Variants in PPM1E observed in about 807,000 individuals in gnomAD.
PPM1E encodes the protein protein phosphatase, Mg2+/Mn2+ dependent 1E.
A neutral mutation model predicts 65.9 loss-of-function variants in PPM1E; 20 were observed. The observed-to-expected ratio is 0.30, with a 90% CI of 0.21 to 0.44. PPM1E has a LOEUF of 0.44. PPM1E is among the 20% of genes least tolerant of loss of function. PPM1E has a pLI of 1.00. For synonymous variants in PPM1E, 352 were observed against 374.9 expected (o/e 0.94, Z 0.70); for missense variants, 713 against 953.1 (o/e 0.75, Z 3.32).
At chr17:58,971,891 G>GGAATT (rs1207688620) in intron 4 of PPM1E, among the ~76,000 whole-genome samples, 1 of 152,128 alleles carries the variant, frequency 6.6e-6, no homozygotes, top group African/African-American at 2.4e-5. Flanking sequence ...TATTTAAAGT[G>GGAATT]GAATTAATAA....
chr17:58,761,272 T>C (rs1271230177), intron 1 of PPM1E, among the ~76,000 whole-genome samples: 1 of 152,192 alleles, frequency 6.6e-6, no homozygotes. Context: ...TCATGAATAG[T>C]AAGAATACTC....
At chr17:58,881,281 C>A (rs948088488) in intron 1 of PPM1E, among the ~76,000 whole-genome samples, 1 of 152,204 alleles carries the variant, frequency 6.6e-6, no homozygotes, top group Non-Finnish European at 1.5e-5. Flanking sequence ...GTAATCGCAG[C>A]ACTTTGGAGG....
chr17:58,794,907 G>GCACT (rs2050191611), intron 1 of PPM1E, among the ~76,000 whole-genome samples: 1 of 67,166 alleles, frequency 1.5e-5, no homozygotes, highest in African/African-American at 6.3e-5. Flanking sequence ...TTTTTTTTTT[G>GCACT]AGGCAGAGTC....
rs1331810828 is a variant in PPM1E at position 58,965,855 on chromosome 17, G to A, written c.745G>A (p.Val249Ile). 1.2e-6 allele frequency: 2 copies of A among 1,614,062 alleles called. No homozygotes were observed. The highest frequency in any genetic ancestry group is 1.7e-6 in the Non-Finnish European group (2 of 1,180,042). ...NMRRKMEDKH[V>I]CIPDFNMLFN... ...GCGCAGGAAAATGGAGGACAAACATGTCTGCATTCCTGACTTTAATATGCT... is the reference window on the plus strand; with the variant it reads ...GCGCAGGAAAATGGAGGACAAACATATCTGCATTCCTGACTTTAATATGCT... The change falls in exon 3 of 7, where the codon GTC becomes ATC. Residue 249 changes from valine to isoleucine, a missense_variant. Around this residue, in one of 6 missense-constraint regions of PPM1E, gnomAD observed 25 missense variants for 73.9 expected, o/e 0.34. Transcript: ENST00000308249.
intron 1 of PPM1E, among the ~76,000 whole-genome samples, chr17:58,927,500 A>C (rs1447193290): frequency 1.3e-5 from 2 of 152,144 alleles, no homozygotes; most frequent in African/African-American, 4.8e-5. Flanking sequence ...CCTTTCCAAA[A>C]AAATTGTGGA....
chr17:58,846,233 G>A (rs942885813), intron 1 of PPM1E, among the ~76,000 whole-genome samples: 1 of 151,896 alleles, frequency 6.6e-6, no homozygotes, highest in Non-Finnish European at 1.5e-5. Flanking sequence ...TGAGGAAACC[G>A]TTTTCCACAG....
In PPM1E at chr17:58,755,978, G is replaced by C; in HGVS notation, c.-20G>C. The C allele has an allele frequency of 1.2e-6, 2 of 1,613,878 alleles. No homozygotes were observed. The highest frequency in any genetic ancestry group is 1.1e-5 in the South Asian group (1 of 91,048). On this transcript the variant is annotated 5_prime_UTR_variant, in exon 1 of 7. Coordinates refer to ENST00000308249, the MANE Select transcript of PPM1E (RefSeq NM_014906.5). ...CTTCCCCCAACCCCTTTCCCGGTCT[G>C]CCCTGGGGCATGAGCAGCGATGGCC...
In PPM1E at chr17:58,755,858, C is replaced by A; in HGVS notation, c.-140C>A. The A allele has an allele frequency of 4.9e-6, 7 of 1,433,392 alleles. No individual in the cohort carries two copies. The highest frequency in any genetic ancestry group is 1.5e-5 in the African/African-American group (1 of 68,126). 88.8% of individuals were successfully genotyped at this position (1,433,392 alleles called of 1,614,324 possible). ...GCGCGCACGCCTGCGGGAGCCCTCTCCAGGCAACCTAGTGCTGATCGCTCG... is the reference window on the plus strand; with the variant it reads ...GCGCGCACGCCTGCGGGAGCCCTCTACAGGCAACCTAGTGCTGATCGCTCG... On this transcript the variant is annotated 5_prime_UTR_variant, in exon 1 of 7. Transcript: ENST00000308249.
intron 1 of PPM1E, among the ~76,000 whole-genome samples, chr17:58,868,953 G>A (rs2051038694): frequency 6.6e-6 from 1 of 152,186 alleles, no homozygotes. Context: ...GATCACCTGA[G>A]GTCAAGAGTT....
rs184480429 is a variant in PPM1E, at chr17:58,946,194, G to T, written c.465-9455G>T. Among the ~76,000 whole-genome samples, 10 of 152,072 alleles carry T rather than the reference G, an allele frequency of 6.6e-5. No homozygotes were observed. In the East Asian group the frequency reaches 1.9e-3, roughly 29 times the overall value. On this transcript the variant is annotated intron_variant, in intron 1 of 6. Coordinates refer to ENST00000308249, the MANE Select transcript of PPM1E (RefSeq NM_014906.5). ...TTTAGAAGCTCTATGTCAGAAACCA[G>T]GTTCAAAGACTAAATATTAGAAGAT...
At chr17:58,925,300 G>GT (rs376152093) in intron 1 of PPM1E, among the ~76,000 whole-genome samples, 35 of 149,720 alleles carry the variant, frequency 2.3e-4, no homozygotes, top group East Asian at 1.6e-3. Flanking sequence ...TCTCATTGTG[G>GT]TTTTTTTTTG....
intron 1 of PPM1E, among the ~76,000 whole-genome samples, chr17:58,885,801 T>G (rs901168734): frequency 3.3e-5 from 5 of 152,214 alleles, no homozygotes; most frequent in Non-Finnish European, 5.9e-5. Context: ...CCCTCTTCAA[T>G]TTCTCAAGAG....
At chr17:58,885,977 GT>G (rs1474290223) in intron 1 of PPM1E, among the ~76,000 whole-genome samples, 2 of 152,122 alleles carry the variant, frequency 1.3e-5, no homozygotes, top group Non-Finnish European at 2.9e-5. Flanking sequence ...AAGGTCAGAG[GT>G]TTTCCCAGAT....
intron 1 of PPM1E, among the ~76,000 whole-genome samples, chr17:58,824,094 T>A (rs1228281482): frequency 6.6e-6 from 1 of 152,152 alleles, no homozygotes; most frequent in Non-Finnish European, 1.5e-5. Context: ...TGTAGAATAT[T>A]ATATATGTTT....
rs1470811444 is a variant in PPM1E, at chr17:58,930,248, TATACACACAC to T, written c.465-25399_465-25390del. ...CCACCTCTACAATAAATTAAATGTA[TATACACACAC>T]ACACACACACACACACACACACACA... On this transcript the variant is annotated intron_variant, in intron 1 of 6. Transcript: ENST00000308249. Among the ~76,000 whole-genome samples the T allele has an allele frequency of 2.8e-5, 4 of 142,190 alleles. No individual in the cohort carries two copies. The East Asian group carries it at 7.0e-4, about 25-fold the overall frequency. The allele number at this position is 142,190 out of a possible 152,430, so 93.3% of individuals were successfully genotyped here. A position where few individuals can be genotyped will look rare whatever the true frequency, so the allele number is the denominator to read the frequency against.
At chr17:58,812,846 C>A (rs1242852845) in intron 1 of PPM1E, among the ~76,000 whole-genome samples, 1 of 152,186 alleles carries the variant, frequency 6.6e-6, no homozygotes, top group African/African-American at 2.4e-5. Flanking sequence ...GGATTACAGG[C>A]ATGAGCCACC....
intron 1 of PPM1E, among the ~76,000 whole-genome samples, chr17:58,882,951 C>CTTTTTTTTTTTTTTTTTTT (rs549698099): frequency 4.0e-5 from 4 of 98,836 alleles, no homozygotes; most frequent in Non-Finnish European, 4.0e-5. Context: ...TTATTACTTT[C>CTTTTTTTTTTTTTTTTTTT]TTTTTTTTTT....
chr17:58,793,542 G>A (rs1270423689), intron 1 of PPM1E, among the ~76,000 whole-genome samples: 6 of 151,424 alleles, frequency 4.0e-5, no homozygotes, highest in African/African-American at 1.5e-4. Flanking sequence ...ATTTTTAGTA[G>A]AGATGGGGTT....
chr17:58,779,702 G>C (rs1014776962), intron 1 of PPM1E, among the ~76,000 whole-genome samples: 1 of 152,072 alleles, frequency 6.6e-6, no homozygotes, highest in Admixed American at 6.6e-5. Context: ...AAGTAATTAA[G>C]GCTGACTGTA....
Sources: allele counts gnomAD v4.1 joint callset (sites outside exome capture counted in the v4.1 genomes callset), GRCh38; gene constraint gnomAD v4.1.1; regional missense constraint gnomAD v4.1.1; transcripts MANE v1.5; gene names NCBI Gene and HGNC (gene_info 2026-07-23, HGNC 2026-07-21).